The following NPC2 variants were observed in gnomAD, a reference collection of about 807,000 sequenced individuals.
The protein encoded by NPC2 is NPC intracellular cholesterol transporter 2.
In NPC2, 14 loss-of-function variants were observed where a neutral mutation model predicts 17.0. That is an observed-to-expected ratio of 0.82 (90% confidence interval 0.54 to 1.29). NPC2 has a LOEUF of 1.29. Among genes scored for constraint, NPC2 ranks in the 50% most tolerant of loss-of-function variants. NPC2 has a pLI of 0.00. For synonymous variants in NPC2, 75 were observed against 69.3 expected, an observed-to-expected ratio of 1.08 and a Z score of -0.41; for missense variants, 167 against 183.4, an observed-to-expected ratio of 0.91 and a Z score of 0.52.
chr14:74,493,327 A>C (rs1212289072), upstream of NPC2: 1 of 1,589,586 alleles, frequency 6.3e-7, no homozygotes, highest in East Asian at 2.3e-5. This position sits in a 1 kb window ranked among gnomAD's most constrained non-coding sequence, Gnocchi z 4.1. Context: ...GCCCGCGGTC[A>C]CAAGACAAAC....
At chr14:74,482,762 T>TTGTAAATTTTA (rs1168742099) in intron 3 of NPC2, among the ~76,000 whole-genome samples, 1 of 152,158 alleles carries the variant, frequency 6.6e-6, no homozygotes, top group Non-Finnish European at 1.5e-5. Context: ...TCAAATTTCT[T>TTGTAAATTTTA]CAGCTGTAAA....
intron 3 of NPC2, among the ~76,000 whole-genome samples, chr14:74,482,798 G>C (rs2086668326): frequency 1.3e-5 from 2 of 152,052 alleles, no homozygotes; most frequent in East Asian, 3.8e-4. Context: ...CCTCTACATA[G>C]GATGGTCATG....
Position 74,486,431 on chromosome 14 carries a change from C to T in NPC2, c.88G>A (p.Val30Met), listed in dbSNP as rs151220873. ...EPVQFKDCGS[V>M]DGVIKEVNVS... Reference sequence around the variant, plus strand: ...TTCACTTCCTTTATAACTCCATCCACAGAACCTGCAAAAGAAAAATGAATT... The same window carrying T: ...TTCACTTCCTTTATAACTCCATCCATAGAACCTGCAAAAGAAAAATGAATT... The change falls in exon 2 of 5, where the codon GTG (valine) becomes ATG (methionine). Residue 30 changes from valine (V) to methionine (M), a missense_variant. Coordinates refer to ENST00000555619, the MANE Select transcript of NPC2 (RefSeq NM_006432.5). 2,202 of 1,588,322 alleles carry T rather than the reference C, an allele frequency of 1.4e-3. 15 individuals carry two copies. Among genetic ancestry groups the T allele is most frequent in the Middle Eastern group, 0.012 (75 of 6,032 alleles).
rs530653530 is a variant in NPC2 at position 74,482,323 on chromosome 14, C to T, written c.364-1544G>A. On this transcript the variant is annotated intron_variant, in intron 3 of 4. Transcript: ENST00000555619. ...GAGTTCTACTTGATTTCAAGAAATG[C>T]GGCTCTTTTTCTTCATGGAAAAAGG... Among the ~76,000 whole-genome samples the T allele has an allele frequency of 7.2e-5, 11 of 152,310 alleles. No individual in the cohort carries two copies. In the South Asian group the frequency reaches 8.3e-4, roughly 11 times the overall value.
At chr14:74,483,569 G>C (rs1160376481) in intron 3 of NPC2, 1 of 1,346,820 alleles carries the variant, frequency 7.4e-7, no homozygotes, top group Non-Finnish European at 1.0e-6. Context: ...TGCCTAATTG[G>C]AAAGTGCCAG....
At chr14:74,491,808 GGA>G (rs2086776307) in intron 1 of NPC2, among the ~76,000 whole-genome samples, 2 of 152,116 alleles carry the variant, frequency 1.3e-5, no homozygotes, top group African/African-American at 4.8e-5. Context: ...AACTAGTCTT[GGA>G]GAGGAATTTA....
At chr14:74,486,714 A>G (rs1435034868) in intron 1 of NPC2, among the ~76,000 whole-genome samples, 2 of 152,236 alleles carry the variant, frequency 1.3e-5, no homozygotes, top group African/African-American at 2.4e-5. Flanking sequence ...ACTAAATAAT[A>G]TCAAGACCAT....
chr14:74,485,125 T>C (rs1463873222), intron 2 of NPC2, among the ~76,000 whole-genome samples: 1 of 151,582 alleles, frequency 6.6e-6, no homozygotes, highest in Admixed American at 6.6e-5. Flanking sequence ...AAAAACCCTG[T>C]CTCTACTAAA....
intron 1 of NPC2, among the ~76,000 whole-genome samples, chr14:74,486,798 G>T (rs528819084): frequency 1.3e-5 from 2 of 152,098 alleles, no homozygotes; most frequent in Non-Finnish European, 2.9e-5. Context: ...GTCTTATCTC[G>T]CATTCTTAAT....
At position 74,484,527 on chromosome 14, in the gene NPC2, G is replaced by A. The variant is rs1432578885; in HGVS notation, c.251C>T (p.Pro84Leu). ...ACCATCAGGCTCAGGAATGGGAAAG[G>A]GAACTGGGACGCCCATCAGGATGCC... ...VHGILMGVPV[P>L]FPIPEPDGCK... The change falls in exon 3 of 5, where the codon CCC (proline) becomes CTC (leucine). Residue 84 changes from proline to leucine, a missense_variant. By Grantham distance (98) the Pro-to-Leu change is moderately conservative (BLOSUM62 -3). Coordinates refer to ENST00000555619, the MANE Select transcript of NPC2 (RefSeq NM_006432.5). The A allele has an allele frequency of 1.2e-6, 2 of 1,613,976 alleles. No homozygotes were observed. The highest frequency in any genetic ancestry group is 1.7e-6 in the Non-Finnish European group (2 of 1,180,028).
chr14:74,488,458 A>T (rs2086736188), intron 1 of NPC2, among the ~76,000 whole-genome samples: 2 of 152,170 alleles, frequency 1.3e-5, no homozygotes, highest in Non-Finnish European at 2.9e-5. Context: ...GCTCATGCCT[A>T]TAATCCCAGC....
chr14:74,486,261 T>A, intron 2 of NPC2, 68 bp downstream of exon 2: 1 of 1,346,368 alleles, frequency 7.4e-7, no homozygotes, highest in Non-Finnish European at 1.0e-6. Context: ...ATTCCCATGC[T>A]TATTCCAACA....
chr14:74,482,918 GGAGGT>G, intron 3 of NPC2: 1 of 487,846 alleles, frequency 2.0e-6, no homozygotes, highest in South Asian at 2.0e-5. Context: ...GGAGGGAGGA[GGAGGT>G]GGAGGAGGTG....
intron 1 of NPC2, among the ~76,000 whole-genome samples, chr14:74,486,809 G>A (rs1210815556): frequency 6.6e-6 from 1 of 152,140 alleles, no homozygotes; most frequent in Non-Finnish European, 1.5e-5. Context: ...CATTCTTAAT[G>A]GTAAGGGTCA....
intron 1 of NPC2, among the ~76,000 whole-genome samples, chr14:74,491,354 A>C (rs931975189): frequency 1.3e-5 from 2 of 152,158 alleles, no homozygotes; most frequent in African/African-American, 4.8e-5. Flanking sequence ...TACAGGTGTG[A>C]GCCACTGTGC....
intron 1 of NPC2, among the ~76,000 whole-genome samples, chr14:74,490,293 CA>C (rs1222037378): frequency 6.6e-6 from 1 of 152,216 alleles, no homozygotes; most frequent in Non-Finnish European, 1.5e-5. Context: ...ACTATCATCA[CA>C]CTGACCAACA....
intron 1 of NPC2, among the ~76,000 whole-genome samples, chr14:74,487,093 G>A (rs2086719872): frequency 6.6e-6 from 1 of 151,876 alleles, no homozygotes; most frequent in South Asian, 2.1e-4. Flanking sequence ...TGGGACTACA[G>A]GCGAGTGCCA....
At chr14:74,486,228 G>T in intron 2 of NPC2, 101 bp downstream of exon 2, 1 of 1,071,058 alleles carries the variant, frequency 9.3e-7, no homozygotes, top group Non-Finnish European at 1.4e-6. Context: ...TAAAATTCAT[G>T]ACTGCCAATT....
intron 3 of NPC2, among the ~76,000 whole-genome samples, chr14:74,482,339 T>C (rs186011017): frequency 4.6e-5 from 7 of 152,298 alleles, no homozygotes; most frequent in Admixed American, 2.0e-4. Flanking sequence ...TTTTTCTTCA[T>C]GGAAAAAGGC....
Sources: allele counts gnomAD v4.1 joint callset (sites outside exome capture counted in the v4.1 genomes callset), GRCh38; gene constraint gnomAD v4.1.1; non-coding constraint Gnocchi (gnomAD v3.1); transcripts MANE v1.5; gene names NCBI Gene and HGNC (gene_info 2026-07-23, HGNC 2026-07-21).